Variants in CPSF6 observed in about 807,000 individuals in gnomAD.
CPSF6 encodes the protein cleavage and polyadenylation specificity factor subunit 6.
A neutral mutation model predicts 56.7 loss-of-function variants in CPSF6; 10 were observed. The ratio of observed to expected loss-of-function variants is 0.18; its 90% CI spans 0.11 to 0.30. CPSF6 has a LOEUF of 0.30. Among genes scored for constraint, CPSF6 ranks in the 10% least tolerant of loss-of-function variants. CPSF6 has a pLI of 1.00. For synonymous variants in CPSF6, 248 were observed against 244.8 expected (o/e 1.01, Z -0.12); for missense variants, 419 against 722.9 (o/e 0.58, Z 4.82).
chr12:69,256,669 G>T, intron 3 of CPSF6, 28 bp from the exon 4 acceptor site: 1 of 1,584,678 alleles, frequency 6.3e-7, no homozygotes, highest in South Asian at 1.2e-5. Flanking sequence ...TTTTTACTTT[G>T]TATCCTCACC....
intron 9 of CPSF6, among the ~76,000 whole-genome samples, chr12:69,265,774 G>C (rs1361306186): frequency 6.6e-6 from 1 of 151,590 alleles, no homozygotes; most frequent in Non-Finnish European, 1.5e-5. Context: ...GGCTAATTTT[G>C]TAGTTTTAGT....
intron 2 of CPSF6, chr12:69,252,070 C>T (rs1467193390): frequency 4.4e-6 from 2 of 455,614 alleles, no homozygotes; most frequent in African/African-American, 4.0e-5. Flanking sequence ...GTTTTATTTA[C>T]ATTTCTTTTT....
intron 8 of CPSF6, among the ~76,000 whole-genome samples, chr12:69,261,788 T>C (rs1260815334): frequency 1.3e-5 from 2 of 152,204 alleles, no homozygotes; most frequent in Admixed American, 6.5e-5. Flanking sequence ...TCATGAAACA[T>C]TTCTACTTAT....
At chr12:69,250,467 T>C (rs548838595) in intron 1 of CPSF6, among the ~76,000 whole-genome samples, 44 of 151,456 alleles carry the variant, frequency 2.9e-4, no homozygotes, top group Non-Finnish European at 4.9e-4. Flanking sequence ...TTTCGTTATA[T>C]AGAAATTAAC....
rs1873390076 is a variant in CPSF6, at chr12:69,274,108, A to ATTTTTTTT, written c.*4600_*4601insTTTTTTTT. 1 of 45,584 alleles carries ATTTTTTTT rather than the reference A, an allele frequency of 2.2e-5. No individual in the cohort carries two copies. The highest frequency in any genetic ancestry group is 4.3e-5 in the Non-Finnish European group (1 of 23,496). The allele number at this position is 45,584 out of a possible 1,614,324, so 2.8% of individuals were successfully genotyped here. A position where few individuals can be genotyped will look rare whatever the true frequency, so the allele number is the denominator to read the frequency against. On this transcript the variant is annotated 3_prime_UTR_variant, in exon 10 of 10. Transcript: ENST00000435070. The stretch of plus-strand genomic sequence containing the variant: ...GGTAAGGTGATAATTGATCTAATAG[A>ATTTTTTTT]CTTTTTTTTTTTTTTTTTTGCTGTC...
chr12:69,243,964 G>T (rs1319664292), intron 1 of CPSF6, among the ~76,000 whole-genome samples: 3 of 152,138 alleles, frequency 2.0e-5, no homozygotes, highest in Non-Finnish European at 4.4e-5. Context: ...CTCCAGAGCA[G>T]CTGAGACTAC....
intron 5 of CPSF6, 37 bp downstream of exon 5, chr12:69,257,942 T>C (rs1402136476): frequency 6.3e-7 from 1 of 1,591,102 alleles, no homozygotes; most frequent in Non-Finnish European, 8.6e-7. Context: ...ATAAAACATG[T>C]CTACCTAATA....
At position 69,273,783 on chromosome 12, in the gene CPSF6, A is replaced by G. The variant is rs1873369095; in HGVS notation, c.*4275A>G. 6.6e-6 allele frequency: 1 copy of G among 151,948 alleles called. No homozygotes were observed. The highest frequency in any genetic ancestry group is 2.4e-5 in the African/African-American group (1 of 41,430). The allele number at this position is 151,948 out of a possible 1,614,324, so 9.4% of individuals were successfully genotyped here. A position where few individuals can be genotyped will look rare whatever the true frequency, so the allele number is the denominator to read the frequency against. ...TATAAATCATAATGTATTTTAAGGAATGCATCTATAACATTGATAACTTTA... is the reference window on the plus strand; with the variant it reads ...TATAAATCATAATGTATTTTAAGGAGTGCATCTATAACATTGATAACTTTA... On this transcript the variant is annotated 3_prime_UTR_variant, in exon 10 of 10. Coordinates refer to ENST00000435070, the MANE Select transcript of CPSF6 (RefSeq NM_007007.3).
chr12:69,265,830 G>C (rs1295233542), intron 9 of CPSF6, among the ~76,000 whole-genome samples: 1 of 151,670 alleles, frequency 6.6e-6, no homozygotes, highest in Non-Finnish European at 1.5e-5. Flanking sequence ...TCAAACTCCC[G>C]ACGTCAGGTG....
At chr12:69,242,627 G>C (rs1190788484) in intron 1 of CPSF6, among the ~76,000 whole-genome samples, 1 of 152,196 alleles carries the variant, frequency 6.6e-6, no homozygotes, top group Non-Finnish European at 1.5e-5. Flanking sequence ...GCTGAGAACA[G>C]CTGGAAGGGG....
intron 2 of CPSF6, chr12:69,252,126 G>A (rs1354454831): frequency 2.2e-6 from 1 of 454,086 alleles, no homozygotes; most frequent in Non-Finnish European, 4.4e-6. Context: ...CCAGGCTGGA[G>A]TGCAGTGGTG....
At chr12:69,265,042 G>A (rs1056101062) in intron 9 of CPSF6, among the ~76,000 whole-genome samples, 11 of 152,054 alleles carry the variant, frequency 7.2e-5, no homozygotes, top group African/African-American at 1.7e-4. Flanking sequence ...AACTGGAAAC[G>A]TAATGATCTT....
chr12:69,266,547 T>C (rs1872992071), intron 9 of CPSF6, among the ~76,000 whole-genome samples: 1 of 152,208 alleles, frequency 6.6e-6, no homozygotes, highest in Non-Finnish European at 1.5e-5. Flanking sequence ...ACCATTGTTT[T>C]AGTTTGTAAA....
intron 6 of CPSF6, 82 bp from the exon 7 acceptor site, chr12:69,259,346 T>C (rs1039160638): frequency 6.7e-7 from 1 of 1,489,940 alleles, no homozygotes; most frequent in South Asian, 1.3e-5. Flanking sequence ...CAGAAGCAGC[T>C]AGTATGAATT....
intron 2 of CPSF6, chr12:69,252,259 CTT>C (rs1872286277): frequency 1.1e-5 from 3 of 281,116 alleles, no homozygotes; most frequent in South Asian, 5.3e-5. Context: ...AAAACAAACA[CTT>C]TTGTAGAGCT....
At chr12:69,265,259 T>C (rs1872917194) in intron 9 of CPSF6, among the ~76,000 whole-genome samples, 1 of 152,240 alleles carries the variant, frequency 6.6e-6, no homozygotes, top group African/African-American at 2.4e-5. Context: ...CTGTAATTTC[T>C]ACCTCTATTC....
intron 1 of CPSF6, among the ~76,000 whole-genome samples, chr12:69,241,273 A>G (rs1871601823): frequency 6.6e-6 from 1 of 152,216 alleles, no homozygotes; most frequent in African/African-American, 2.4e-5. Flanking sequence ...AAATAATAAT[A>G]CTTGAGTTGT....
At chr12:69,262,849 TA>T in intron 9 of CPSF6, among the ~76,000 whole-genome samples, 1 of 152,234 alleles carries the variant, frequency 6.6e-6, no homozygotes, top group Non-Finnish European at 1.5e-5. Flanking sequence ...TGTGTACTTC[TA>T]AAATCTAAAA....
At chr12:69,256,463 G>T (rs1872512872) in intron 3 of CPSF6, among the ~76,000 whole-genome samples, 1 of 151,984 alleles carries the variant, frequency 6.6e-6, no homozygotes, top group South Asian at 2.1e-4. Context: ...GGATCTCACT[G>T]TGTTGCCCAG....
Sources: gnomAD v4.1 joint callset for allele counts (sites outside exome capture counted in the v4.1 genomes callset) on GRCh38, gnomAD v4.1.1 for gene constraint, MANE v1.5 for transcripts, NCBI Gene and HGNC (gene_info 2026-07-23, HGNC 2026-07-21) for gene names.